The following EPHA5 variants were observed in gnomAD, a reference collection of about 807,000 sequenced individuals.
EPHA5 encodes the protein ephrin type-A receptor 5.
In EPHA5, 60 loss-of-function variants were observed where a neutral mutation model predicts 105.0. That is an observed-to-expected ratio of 0.57 (90% CI 0.46 to 0.71). The LOEUF (loss-of-function observed/expected upper bound fraction) is 0.71. EPHA5 is among the 30% of genes least tolerant of loss of function. The pLI is 0.00. For synonymous variants in EPHA5, 513 were observed against 449.1 expected, an observed-to-expected ratio of 1.14 and a Z score of -1.80; for missense variants, 1,218 against 1,274.7, an observed-to-expected ratio of 0.96 and a Z score of 0.68.
intron 3 of EPHA5, among the ~76,000 whole-genome samples, chr4:65,548,988 T>C (rs1737642441): frequency 6.6e-6 from 1 of 152,154 alleles, no homozygotes; most frequent in Non-Finnish European, 1.5e-5. Context: ...TGTCCTGTCT[T>C]CTGCAGCATT....
chr4:65,331,803 G>GC, intron 16 of EPHA5, 170 bp downstream of exon 16: 1 of 1,285,802 alleles, frequency 7.8e-7, no homozygotes, highest in Non-Finnish European at 9.8e-7. Flanking sequence ...GCCACATGTA[G>GC]CATTAACCAT....
intron 8 of EPHA5, chr4:65,377,032 A>AAG: frequency 6.2e-7 from 1 of 1,609,720 alleles, no homozygotes; most frequent in Non-Finnish European, 8.5e-7. Context: ...GCGCACAGGG[A>AAG]AGAAGCCCTC....
intron 8 of EPHA5, among the ~76,000 whole-genome samples, chr4:65,399,496 C>T (rs1316250273): frequency 6.6e-6 from 1 of 152,198 alleles, no homozygotes; most frequent in Non-Finnish European, 1.5e-5. Context: ...ACAGAGGCTT[C>T]TGCCTGGAAA....
chr4:65,482,290 T>TAA (rs58590136), intron 5 of EPHA5, among the ~76,000 whole-genome samples: 79 of 85,144 alleles, frequency 9.3e-4, no homozygotes, highest in African/African-American at 2.8e-3. Flanking sequence ...AAGAACAAGA[T>TAA]AAAAAAAAAA....
intron 5 of EPHA5, among the ~76,000 whole-genome samples, chr4:65,431,714 T>A (rs1253602467): frequency 1.3e-5 from 2 of 152,128 alleles, no homozygotes; most frequent in Non-Finnish European, 2.9e-5. Context: ...GCTGGGAATA[T>A]TAAAAATAAA....
In EPHA5 at chr4:65,506,420, G is replaced by A. The variant is rs376324845; in HGVS notation, c.911-10877C>T. 1.9e-4 allele frequency among the ~76,000 whole-genome samples: 27 copies of A among 145,424 alleles called. 3 individuals carry two copies. The South Asian group carries it at 2.0e-3, about 11-fold the overall frequency. On this transcript the variant is annotated intron_variant, in intron 3 of 16. Coordinates refer to ENST00000613740, the MANE Select transcript of EPHA5 (RefSeq NM_001281766.3). ...TCTAGTTCTAGATCCCTGAGGAATC[G>A]CCACACTGTCTTCCACAATGGTTGA...
At chr4:65,455,016 C>A (rs545785533) in intron 5 of EPHA5, among the ~76,000 whole-genome samples, 113 of 152,068 alleles carry the variant, frequency 7.4e-4, no homozygotes, top group African/African-American at 2.6e-3. Flanking sequence ...GAGGCCGAGG[C>A]GGGCAGATCA....
intron 5 of EPHA5, among the ~76,000 whole-genome samples, chr4:65,448,926 C>T (rs1726820057): frequency 6.6e-6 from 1 of 152,028 alleles, no homozygotes; most frequent in Non-Finnish European, 1.5e-5. Flanking sequence ...TCCAAATTTA[C>T]TTTTAGATGG....
At chr4:65,384,371 C>T (rs1057492557) in intron 8 of EPHA5, among the ~76,000 whole-genome samples, 8 of 151,918 alleles carry the variant, frequency 5.3e-5, no homozygotes, top group Non-Finnish European at 1.5e-5. Flanking sequence ...GCAACTGGTC[C>T]AAGAAGTCAA....
chr4:65,423,133 T>C (rs970620444), intron 5 of EPHA5, among the ~76,000 whole-genome samples: 4 of 152,182 alleles, frequency 2.6e-5, no homozygotes, highest in Non-Finnish European at 5.9e-5. Context: ...TGGTTGGGTA[T>C]TTTGTAAGCA....
chr4:65,515,656 A>G (rs901530288), intron 3 of EPHA5, among the ~76,000 whole-genome samples: 4 of 152,120 alleles, frequency 2.6e-5, no homozygotes, highest in Non-Finnish European at 5.9e-5. Flanking sequence ...AACACAATCT[A>G]TTTTGTTATA....
chr4:65,362,257 A>G (rs183189384), intron 11 of EPHA5, among the ~76,000 whole-genome samples: 1 of 151,778 alleles, frequency 6.6e-6, no homozygotes, highest in East Asian at 1.9e-4. Flanking sequence ...CCTCAACTTC[A>G]ATAAGAAAAG....
intron 3 of EPHA5, among the ~76,000 whole-genome samples, chr4:65,526,035 A>G (rs1175186488): frequency 1.3e-5 from 2 of 151,808 alleles, no homozygotes; most frequent in Non-Finnish European, 2.9e-5. Context: ...AATAAATCCT[A>G]TCAGTATTTA....
At chr4:65,565,209 G>A (rs1377864999) in intron 3 of EPHA5, among the ~76,000 whole-genome samples, 2 of 151,506 alleles carry the variant, frequency 1.3e-5, no homozygotes, top group African/African-American at 4.8e-5. Context: ...TAAGATTCAA[G>A]GCCAATGGTG....
intron 8 of EPHA5, among the ~76,000 whole-genome samples, chr4:65,393,794 A>C (rs1353843471): frequency 6.6e-6 from 1 of 152,148 alleles, no homozygotes; most frequent in African/African-American, 2.4e-5. Context: ...ATCATTTGCA[A>C]GCAAATAAAT....
intron 8 of EPHA5, among the ~76,000 whole-genome samples, chr4:65,397,734 C>T (rs1466565022): frequency 2.6e-5 from 4 of 152,162 alleles, no homozygotes; most frequent in African/African-American, 4.8e-5. Flanking sequence ...AGTCATGCAA[C>T]GGGAGCCTCA....
intron 5 of EPHA5, among the ~76,000 whole-genome samples, chr4:65,431,763 G>C (rs1725001294): frequency 6.6e-6 from 1 of 152,112 alleles, no homozygotes; most frequent in African/African-American, 2.4e-5. Flanking sequence ...GATAGAGAAA[G>C]TTAGATCATT....
intron 3 of EPHA5, among the ~76,000 whole-genome samples, chr4:65,527,687 T>C (rs1183975861): frequency 6.6e-6 from 1 of 152,126 alleles, no homozygotes; most frequent in Non-Finnish European, 1.5e-5. Flanking sequence ...TTTATTAATA[T>C]TATTTTTTAA....
At chr4:65,381,761 A>C (rs1400331609) in intron 8 of EPHA5, among the ~76,000 whole-genome samples, 1 of 151,772 alleles carries the variant, frequency 6.6e-6, no homozygotes, top group East Asian at 1.9e-4. Flanking sequence ...TGATAAGATC[A>C]TAAGTGCCCA....
Sources: gnomAD v4.1 joint callset for allele counts (sites outside exome capture counted in the v4.1 genomes callset) on GRCh38, gnomAD v4.1.1 for gene constraint, MANE v1.5 for transcripts, NCBI Gene and HGNC (gene_info 2026-07-23, HGNC 2026-07-21) for gene names.